VPS37A: variants seen among roughly 807,000 people sequenced by gnomAD.
The protein encoded by VPS37A is vacuolar protein sorting-associated protein 37A.
Under a neutral mutation model 49.8 loss-of-function variants are expected in VPS37A, and 30 were observed. That is an observed-to-expected ratio of 0.60 (90% confidence interval 0.45 to 0.82). The LOEUF (loss-of-function observed/expected upper bound fraction) is 0.82. VPS37A is among the 40% of genes least tolerant of loss of function. VPS37A has a pLI of 0.00. For missense variants in VPS37A, 593 were observed against 464.4 expected (o/e 1.28, Z -2.55); for synonymous variants, 195 against 160.6 (o/e 1.21, Z -1.62).
chr8:17,258,887 T>C (rs868094773), intron 1 of VPS37A, among the ~76,000 whole-genome samples: 1 of 152,094 alleles, frequency 6.6e-6, no homozygotes, highest in Non-Finnish European at 1.5e-5. Context: ...GGCTTTCCAG[T>C]TTTTTAGCAT....
chr8:17,301,001 A>C (rs1817073516), downstream of VPS37A, among the ~76,000 whole-genome samples: 1 of 152,292 alleles, frequency 6.6e-6, no homozygotes, highest in South Asian at 2.1e-4. Flanking sequence ...GATATACCAG[A>C]TTTTGTTTCC....
At chr8:17,277,543 A>G (rs950520075) in intron 6 of VPS37A, among the ~76,000 whole-genome samples, 1 of 152,034 alleles carries the variant, frequency 6.6e-6, no homozygotes, top group Non-Finnish European at 1.5e-5. Flanking sequence ...GGCTGTAGGT[A>G]TGAGTCACCA....
At chr8:17,293,628 C>T (rs1446966185) in intron 11 of VPS37A, among the ~76,000 whole-genome samples, 6 of 152,108 alleles carry the variant, frequency 3.9e-5, no homozygotes, top group East Asian at 1.9e-4. Flanking sequence ...TGGTGACCTT[C>T]GGATGGAATT....
chr8:17,318,922 TCTC>T, the VPS37A span, among the ~76,000 whole-genome samples: 1 of 152,158 alleles, frequency 6.6e-6, no homozygotes, highest in Admixed American at 6.5e-5. Flanking sequence ...ATCTCCAACG[TCTC>T]CTGAAAACAA....
chr8:17,308,870 G>A, the VPS37A span, among the ~76,000 whole-genome samples: 11 of 152,314 alleles, frequency 7.2e-5, no homozygotes, highest in South Asian at 2.1e-4. Context: ...ACTGCACTCC[G>A]ATACAAATGC....
intron 2 of VPS37A, among the ~76,000 whole-genome samples, chr8:17,266,285 A>C (rs949029358): frequency 2.0e-5 from 3 of 152,174 alleles, no homozygotes; most frequent in Non-Finnish European, 2.9e-5. Context: ...GATAATAAAA[A>C]ACAAAGGGGT....
chr8:17,305,276 C>T (rs17124339), downstream of VPS37A, among the ~76,000 whole-genome samples: 3,046 of 152,242 alleles, frequency 0.02, 112 homozygotes, highest in African/African-American at 0.069. Context: ...GCCTAAATCA[C>T]TTTGTTGTAA....
chr8:17,255,251 C>T (rs747794982), intron 1 of VPS37A, among the ~76,000 whole-genome samples: 20 of 152,136 alleles, frequency 1.3e-4, no homozygotes, highest in Admixed American at 2.6e-4. Flanking sequence ...GAGGCTGAAG[C>T]GGGTGGATCG....
chr8:17,315,258 T>C, the VPS37A span, among the ~76,000 whole-genome samples: 24 of 152,186 alleles, frequency 1.6e-4, no homozygotes, highest in Admixed American at 1.6e-3. Context: ...CTACATATTA[T>C]ATGATGTCAA....
the VPS37A span, among the ~76,000 whole-genome samples, chr8:17,328,619 A>G: frequency 1.3e-5 from 2 of 152,186 alleles, no homozygotes; most frequent in African/African-American, 4.8e-5. Flanking sequence ...AATGCCTGCT[A>G]GGCTTAACAG....
chr8:17,317,954 A>G, the VPS37A span, among the ~76,000 whole-genome samples: 71 of 151,472 alleles, frequency 4.7e-4, no homozygotes, highest in Middle Eastern at 3.4e-3. Flanking sequence ...AGTCAGGAGG[A>G]GGTGGGTAAG....
At chr8:17,283,167 G>A (rs1315025049) in intron 9 of VPS37A, among the ~76,000 whole-genome samples, 1 of 151,576 alleles carries the variant, frequency 6.6e-6, no homozygotes, top group Non-Finnish European at 1.5e-5. Flanking sequence ...CATTAGCATG[G>A]CCATTATTTT....
chr8:17,318,533 T>G, the VPS37A span, among the ~76,000 whole-genome samples: 1 of 152,108 alleles, frequency 6.6e-6, no homozygotes, highest in Non-Finnish European at 1.5e-5. Context: ...CGGATAGTGT[T>G]CCCGATGGGT....
the VPS37A span, chr8:17,313,547 C>G: frequency 1.8e-6 from 1 of 545,452 alleles, no homozygotes; most frequent in Non-Finnish European, 3.2e-6. Flanking sequence ...TAAATACCCA[C>G]GTTTACTAAA....
chr8:17,302,039 A>C (rs1358360356), downstream of VPS37A: 1 of 1,391,066 alleles, frequency 7.2e-7, no homozygotes, highest in African/African-American at 1.4e-5. Flanking sequence ...CAGGTGTTCT[A>C]CTGACTAAAA....
the VPS37A span, chr8:17,331,380 G>A: frequency 7.7e-7 from 1 of 1,298,124 alleles, no homozygotes; most frequent in Non-Finnish European, 1.0e-6. Flanking sequence ...AAAGCATTCA[G>A]AATGATGTAC....
In VPS37A at chr8:17,284,574, G is replaced by GGAAATA; in HGVS notation, c.1074_1079dup (p.Glu358_Ile359dup). 1 of 1,599,938 alleles carries GGAAATA rather than the reference G, an allele frequency of 6.3e-7. No individual in the cohort carries two copies. Among genetic ancestry groups the GGAAATA allele is most frequent in the Non-Finnish European group, 8.5e-7 (1 of 1,175,192 alleles). ...CAGAAGACTTCTTGGAGGGAAAGAT[G>GGAAATA]GAAATAGATGATTTTCTCAGTAGCT... On this transcript the variant is annotated inframe_insertion, in exon 10 of 12. Coordinates refer to ENST00000324849, the MANE Select transcript of VPS37A (RefSeq NM_152415.3).
intron 6 of VPS37A, among the ~76,000 whole-genome samples, chr8:17,279,220 G>A (rs1814801540): frequency 6.6e-6 from 1 of 152,116 alleles, no homozygotes; most frequent in Non-Finnish European, 1.5e-5. Context: ...TACACTAGCA[G>A]AGACTGTTTA....
rs547421646 is a variant in VPS37A, at chr8:17,282,462, A to T, written c.970-2011A>T. 3.9e-5 allele frequency among the ~76,000 whole-genome samples: 6 copies of T among 152,220 alleles called. No individual in the cohort carries two copies. In the South Asian group the frequency reaches 1.0e-3, roughly 26 times the overall value. On this transcript the variant is annotated intron_variant, in intron 9 of 11. Transcript: ENST00000324849. ...CCTTTCTTAGCATAATAAAACAGAT[A>T]TGAGCATAAAGGAAAAACTCGACAT...
Sources: gnomAD v4.1 joint callset for allele counts (sites outside exome capture counted in the v4.1 genomes callset) on GRCh38, gnomAD v4.1.1 for gene constraint, MANE v1.5 for transcripts, NCBI Gene and HGNC (gene_info 2026-07-23, HGNC 2026-07-21) for gene names.